Variants in ROBO2 observed in about 807,000 individuals in gnomAD.
The protein encoded by ROBO2 is roundabout guidance receptor 2, also known as roundabout homolog 2.
Under a neutral mutation model 160.8 loss-of-function variants are expected in ROBO2, and 53 were observed. That is an observed-to-expected ratio of 0.33 (90% CI 0.26 to 0.41). ROBO2 has a LOEUF of 0.41. ROBO2 is among the 10% of genes least tolerant of loss of function. ROBO2 has a pLI of 1.00. For missense variants in ROBO2, 1,577 were observed against 1,722.4 expected, an observed-to-expected ratio of 0.92 and a Z score of 1.49; for synonymous variants, 664 against 611.7, an observed-to-expected ratio of 1.09 and a Z score of -1.26.
At chr3:77,646,999 A>G (rs2095416917) in exon 26 of ROBO2, 2 of 152,518 alleles carry the variant, frequency 1.3e-5, no homozygotes, top group African/African-American at 4.8e-5. Flanking sequence ...AAGCTCTCCA[A>G]CTCGTTAAGT....
intron 2 of ROBO2, among the ~76,000 whole-genome samples, chr3:76,080,121 C>A (rs1298183545): frequency 1.3e-5 from 2 of 152,178 alleles, no homozygotes; most frequent in Admixed American, 6.5e-5. Context: ...AGTGACCTAG[C>A]TCTCAGCCTA....
chr3:77,241,887 G>C (rs572021072), intron 2 of ROBO2, among the ~76,000 whole-genome samples: 2 of 152,114 alleles, frequency 1.3e-5, no homozygotes, highest in South Asian at 4.1e-4. Flanking sequence ...GTGCATAAAG[G>C]AATCAAAAGT....
At chr3:75,997,562 G>A (rs1482747337) in intron 2 of ROBO2, among the ~76,000 whole-genome samples, 1 of 144,400 alleles carries the variant, frequency 6.9e-6, no homozygotes, top group African/African-American at 2.5e-5. Context: ...GTGCGATCTC[G>A]GCTTACTGCA....
At chr3:76,251,754 A>G (rs977429468) in intron 2 of ROBO2, among the ~76,000 whole-genome samples, 2 of 152,080 alleles carry the variant, frequency 1.3e-5, no homozygotes, top group Non-Finnish European at 2.9e-5. Flanking sequence ...GTTTGAAGCT[A>G]GGATAAAATC....
chr3:76,658,619 G>GA (rs374240998), intron 2 of ROBO2, among the ~76,000 whole-genome samples: 2 of 152,240 alleles, frequency 1.3e-5, no homozygotes, highest in East Asian at 3.9e-4. Flanking sequence ...AGTTTGCTGA[G>GA]AATGATGGTT....
At chr3:77,279,152 G>A (rs536445449) in intron 2 of ROBO2, among the ~76,000 whole-genome samples, 3 of 151,948 alleles carry the variant, frequency 2.0e-5, no homozygotes, top group Admixed American at 1.3e-4. Context: ...TTTTTTTCAC[G>A]TAAACAATTA....
intron 2 of ROBO2, among the ~76,000 whole-genome samples, chr3:76,160,668 C>A (rs796325839): frequency 1.7e-4 from 26 of 152,140 alleles, no homozygotes; most frequent in Admixed American, 3.3e-4. Context: ...TAAGCCTCAT[C>A]ATAAATTTGA....
At chr3:77,116,797 G>A (rs763436488) in intron 2 of ROBO2, among the ~76,000 whole-genome samples, 2 of 152,174 alleles carry the variant, frequency 1.3e-5, no homozygotes, top group Non-Finnish European at 2.9e-5. Flanking sequence ...CCTTTGGTAA[G>A]TTGACCAGTC....
chr3:77,461,524 ATTC>A (rs2082241140), intron 2 of ROBO2, among the ~76,000 whole-genome samples: 2 of 152,188 alleles, frequency 1.3e-5, no homozygotes, highest in East Asian at 3.9e-4. Flanking sequence ...ACATAGATAT[ATTC>A]TTCATCACAC....
chr3:77,511,396 C>G (rs577347589), intron 5 of ROBO2, among the ~76,000 whole-genome samples: 1 of 152,002 alleles, frequency 6.6e-6, no homozygotes, highest in Admixed American at 6.6e-5. Context: ...GAGAGAGGCT[C>G]TAGCTCCAAG....
intron 2 of ROBO2, among the ~76,000 whole-genome samples, chr3:76,989,986 GT>G (rs2149365232): frequency 6.6e-6 from 1 of 152,184 alleles, no homozygotes; most frequent in East Asian, 1.9e-4. Context: ...TTTAATTCAT[GT>G]TTTAGACCTT....
At chr3:76,436,141 A>G (rs2076664202) in intron 2 of ROBO2, among the ~76,000 whole-genome samples, 1 of 64,410 alleles carries the variant, frequency 1.6e-5, no homozygotes, top group South Asian at 4.5e-4. Flanking sequence ...CTTCCTACAG[A>G]GATGACTTTA....
intron 21 of ROBO2, among the ~76,000 whole-genome samples, chr3:77,615,957 T>G (rs977002796): frequency 1.3e-5 from 2 of 152,198 alleles, no homozygotes; most frequent in Admixed American, 6.5e-5. Flanking sequence ...CATATCACAG[T>G]TTCCCTAATG....
intron 2 of ROBO2, among the ~76,000 whole-genome samples, chr3:76,939,655 A>G (rs909382078): frequency 6.6e-6 from 1 of 152,094 alleles, no homozygotes; most frequent in Non-Finnish European, 1.5e-5. Context: ...GTGGTGATGC[A>G]TGCCTGTAAT....
chr3:77,297,209 G>A (rs554017417), intron 2 of ROBO2, among the ~76,000 whole-genome samples: 7 of 152,190 alleles, frequency 4.6e-5, no homozygotes, highest in African/African-American at 1.7e-4. Flanking sequence ...ATGTGACAGT[G>A]ACCTAGGGAC....
chr3:77,344,968 A>G lies in ROBO2; in HGVS notation c.389-132446A>G, dbSNP rs201072639. ...AATTGCATTCCTTATCTACTTCAGC[A>G]TGACAAATTACCCCAAAGCTTAGAG... On this transcript the variant is annotated intron_variant, in intron 2 of 25. Coordinates refer to ENST00000461745, the Ensembl canonical transcript of ROBO2. 4.6e-5 allele frequency among the ~76,000 whole-genome samples: 7 copies of G among 152,290 alleles called. No individual in the cohort carries two copies. In the East Asian group the frequency reaches 9.7e-4, roughly 21 times the overall value.
intron 2 of ROBO2, among the ~76,000 whole-genome samples, chr3:76,001,966 T>G (rs2065901636): frequency 6.6e-6 from 1 of 152,256 alleles, no homozygotes; most frequent in East Asian, 1.9e-4. Context: ...GATGGAAATT[T>G]TCTCTTAGCA....
intron 2 of ROBO2, among the ~76,000 whole-genome samples, chr3:77,348,379 C>T (rs528085363): frequency 6.6e-6 from 1 of 152,030 alleles, no homozygotes; most frequent in Non-Finnish European, 1.5e-5. Flanking sequence ...ACTTTCATGG[C>T]GCTGGTGCGA....
chr3:76,777,836 G>C (rs75531568), intron 2 of ROBO2, among the ~76,000 whole-genome samples: 1,828 of 151,118 alleles, frequency 0.012, 103 homozygotes, highest in Admixed American at 0.087. Context: ...ATGCCTAAAG[G>C]CTTCTTGTGT....
Sources: allele counts gnomAD v4.1 joint callset (sites outside exome capture counted in the v4.1 genomes callset), GRCh38; gene constraint gnomAD v4.1.1; transcripts MANE v1.5; gene names NCBI Gene and HGNC (gene_info 2026-07-23, HGNC 2026-07-21).